Variants in GGA3 observed in about 807,000 individuals in gnomAD.
The protein encoded by GGA3 is golgi associated, gamma adaptin ear containing, ARF binding protein 3.
Under a neutral mutation model 77.5 loss-of-function variants are expected in GGA3, and 57 were observed. The observed-to-expected ratio is 0.74, with a 90% CI of 0.59 to 0.92. The LOEUF (loss-of-function observed/expected upper bound fraction) is 0.92, where lower values mean the gene tolerates loss of function less well. Ranked by LOEUF, GGA3 falls within the 40% of genes least tolerant of loss-of-function variation. The pLI is 0.00. For synonymous variants in GGA3, 416 were observed against 383.7 expected (o/e 1.08, Z -0.98); for missense variants, 970 against 914.9 (o/e 1.06, Z -0.78).
intron 1 of GGA3, among the ~76,000 whole-genome samples, chr17:75,259,400 G>A (rs553963450): frequency 9.8e-5 from 15 of 152,340 alleles, no homozygotes; most frequent in African/African-American, 3.1e-4. Flanking sequence ...TGGTTTGTGA[G>A]AAAAGAGAAT....
chr17:75,260,650 A>C (rs1277177628), intron 1 of GGA3, among the ~76,000 whole-genome samples: 2 of 152,230 alleles, frequency 1.3e-5, no homozygotes, highest in Non-Finnish European at 2.9e-5. Context: ...AATACTAGGT[A>C]TCTCACCTAT....
At chr17:75,261,731 G>C, upstream of GGA3, 1 of 1,146,354 alleles carries the variant, frequency 8.7e-7, no homozygotes, top group Middle Eastern at 2.0e-4. Context: ...GGGAGGGCAA[G>C]GGTTTCCTTT....
rs2076449777 is a variant in GGA3 at position 75,239,495 on chromosome 17, A to G, written c.1660T>C (p.Ser554Pro). 6.3e-7 allele frequency: 1 copy of G among 1,575,516 alleles called. No homozygotes were observed. The highest frequency in any genetic ancestry group is 1.2e-5 in the South Asian group (1 of 85,766). The change falls in exon 14 of 17, where the codon TCC becomes CCC. Residue 554 changes from serine (S) to proline (P), a missense_variant. Ser to Pro is a moderately conservative substitution (Grantham distance 74, BLOSUM62 -1). Transcript: ENST00000537686. ...AAGAGCGGGCTGCCGGGCCCCGTGGAGAAGGGCAGGAGGGGCCTGGCTGGG... is the reference window on the plus strand; with the variant it reads ...AAGAGCGGGCTGCCGGGCCCCGTGGGGAAGGGCAGGAGGGGCCTGGCTGGG... The part of the protein sequence containing the change: ...TTPARPLLPF[S>P]TGPGSPLFQP...
chr17:75,240,147 G>T (rs570995153), intron 12 of GGA3, 39 bp from the exon 13 acceptor site: 3 of 1,332,084 alleles, frequency 2.3e-6, no homozygotes, highest in East Asian at 5.0e-5. Flanking sequence ...GAGGGCGGGT[G>T]GGGAGGGCCT....
In GGA3 at chr17:75,239,771, TCTC is replaced by T. The variant is rs752354730; in HGVS notation, c.1583+15_1583+17del. The stretch of plus-strand genomic sequence containing the variant: ...AGGCCCAACCCTCAGCAACCCCACA[TCTC>T]CTCCCACTCATTACACTTTGGCCTC... On this transcript the variant is annotated intron_variant, in intron 13 of 16. Coordinates refer to ENST00000537686, the MANE Select transcript of GGA3 (RefSeq NM_138619.4). The T allele has an allele frequency of 1.6e-5, 25 of 1,612,238 alleles. No individual in the cohort carries two copies. The East Asian group carries it at 4.2e-4, about 27-fold the overall frequency.
At chr17:75,261,344 G>C (rs2077365379) in intron 1 of GGA3, among the ~76,000 whole-genome samples, 1 of 152,248 alleles carries the variant, frequency 6.6e-6, no homozygotes, top group African/African-American at 2.4e-5. Flanking sequence ...AAGAGGACGC[G>C]CCGCAGCGAG....
At chr17:75,241,755 C>T in intron 8 of GGA3, 59 bp from the exon 9 acceptor site, 1 of 1,413,530 alleles carries the variant, frequency 7.1e-7, no homozygotes, top group Non-Finnish European at 1.0e-6. Flanking sequence ...TCATCTGATT[C>T]ATTCAGGGTT....
chr17:75,247,236 T>TAA (rs1376521738), intron 1 of GGA3, among the ~76,000 whole-genome samples: 1 of 151,348 alleles, frequency 6.6e-6, no homozygotes, highest in South Asian at 2.1e-4. Context: ...CTGAACTAGA[T>TAA]AAAAAAATAC....
chr17:75,238,642 T>C lies in GGA3; in HGVS notation c.2061+10A>G, dbSNP rs1276900238. 1.9e-6 allele frequency: 3 copies of C among 1,599,286 alleles called. No homozygotes were observed. Among genetic ancestry groups the C allele is most frequent in the African/African-American group, 2.7e-5 (2 of 74,464 alleles). The stretch of plus-strand genomic sequence containing the variant: ...CTCAGGCTGGGACCCCTGGGTTCTT[T>C]GCTGCTCACCTTCAGTGGATTGGCC... On this transcript the variant is annotated intron_variant, in intron 16 of 16. Coordinates refer to ENST00000537686, the MANE Select transcript of GGA3 (RefSeq NM_138619.4).
At chr17:75,257,747 A>G (rs1015994348) in intron 1 of GGA3, among the ~76,000 whole-genome samples, 1 of 152,120 alleles carries the variant, frequency 6.6e-6, no homozygotes, top group Non-Finnish European at 1.5e-5. Flanking sequence ...AGCAGCCCTG[A>G]GAAACATCGC....
rs768647748 is a variant in GGA3, at chr17:75,239,862, G to A, written c.1510C>T (p.His504Tyr). ...GCGCTGTTGCCCAACGCCAAGCCAT[G>A]GTGCCCAGGGACTGCGGGCTCAACT... ...PKVEPAVPGH[H>Y]GLALGNSALH... is the part of the protein sequence containing the mutation. Residue 504 changes from histidine to tyrosine, a missense_variant, in exon 13 of 17, where the codon CAT (histidine) becomes TAT (tyrosine). Coordinates refer to ENST00000537686, the MANE Select transcript of GGA3 (RefSeq NM_138619.4). The A allele has an allele frequency of 1.9e-6, 3 of 1,614,030 alleles. No individual in the cohort carries two copies. Among genetic ancestry groups the A allele is most frequent in the Non-Finnish European group, 1.7e-6 (2 of 1,180,022 alleles).
At chr17:75,239,294 G>A (rs2076436969) in intron 14 of GGA3, 81 bp downstream of exon 14, 4 of 1,252,008 alleles carry the variant, frequency 3.2e-6, no homozygotes, top group Non-Finnish European at 4.5e-6. Context: ...AAGAGTGCCT[G>A]GATCCATCCC....
Position 75,240,015 on chromosome 17 carries a change from A to C in GGA3, c.1357T>G (p.Ser453Ala). The C allele has an allele frequency of 1.7e-5, 27 of 1,552,064 alleles. 1 individual carries two copies. The highest frequency in any genetic ancestry group is 4.7e-5 in the South Asian group (4 of 84,288). Residue 453 changes from serine to alanine, a missense_variant, in exon 13 of 17, where the codon TCC becomes GCC. Ser to Ala is a moderately conservative substitution (Grantham distance 99). Coordinates refer to ENST00000537686, the MANE Select transcript of GGA3 (RefSeq NM_138619.4). The stretch of plus-strand genomic sequence containing the variant: ...AGTGGAGCTTGGGAGCTGCTTGAGG[A>C]GGGGGCTGAGGGCTGGAGCAGAGGA... Reference protein sequence around the residue: ...DAPLLQPSAPSSSSSQAPLPP... With the variant: ...DAPLLQPSAPASSSSQAPLPP...
intron 1 of GGA3, among the ~76,000 whole-genome samples, chr17:75,251,569 A>T (rs2076966815): frequency 6.6e-6 from 1 of 151,492 alleles, no homozygotes; most frequent in South Asian, 2.1e-4. Context: ...AGCCAGGCGA[A>T]GTGGCAGGCG....
chr17:75,249,202 T>C (rs1012594881), intron 1 of GGA3, among the ~76,000 whole-genome samples: 1 of 150,826 alleles, frequency 6.6e-6, no homozygotes, highest in East Asian at 1.9e-4. Context: ...TGCGCCACTA[T>C]GCCTGGCTAC....
intron 1 of GGA3, among the ~76,000 whole-genome samples, chr17:75,261,168 G>A (rs9906345): frequency 0.11 from 17,322 of 152,266 alleles, 2,797 homozygotes; most frequent in African/African-American, 0.35. Flanking sequence ...TTCTCCCTTA[G>A]TCAGGGATTG....
intron 1 of GGA3, among the ~76,000 whole-genome samples, chr17:75,260,918 G>A (rs1386427524): frequency 4.6e-5 from 7 of 151,942 alleles, no homozygotes; most frequent in Non-Finnish European, 8.8e-5. Context: ...GTATATGTAT[G>A]TGTGTGGGGG....
At chr17:75,249,567 C>G (rs1270324423) in intron 1 of GGA3, among the ~76,000 whole-genome samples, 1 of 152,220 alleles carries the variant, frequency 6.6e-6, no homozygotes, top group Non-Finnish European at 1.5e-5. Flanking sequence ...TTTCCTCAGG[C>G]ATTAGCGTAG....
At chr17:75,256,607 T>C (rs1005961683) in intron 1 of GGA3, among the ~76,000 whole-genome samples, 5 of 152,288 alleles carry the variant, frequency 3.3e-5, no homozygotes, top group South Asian at 2.1e-4. Flanking sequence ...GGCTATGCTA[T>C]AGTACAAGCC....
Sources: gnomAD v4.1 joint callset for allele counts (sites outside exome capture counted in the v4.1 genomes callset) on GRCh38, gnomAD v4.1.1 for gene constraint, MANE v1.5 for transcripts, NCBI Gene and HGNC (gene_info 2026-07-23, HGNC 2026-07-21) for gene names.